SH2D5: variants seen among roughly 807,000 people sequenced by gnomAD.
SH2D5 encodes SH2 domain containing 5, also known as SH2 domain-containing protein 5.
In SH2D5, 45 loss-of-function variants were observed where a neutral mutation model predicts 48.2. The observed-to-expected ratio is 0.93, with a 90% CI of 0.73 to 1.20. The LOEUF (loss-of-function observed/expected upper bound fraction) is 1.20, where lower values mean the gene tolerates loss of function less well. SH2D5 is among the 50% of genes most tolerant of loss of function. The pLI, the probability that SH2D5 is intolerant of heterozygous loss-of-function variation, is 0.00. For synonymous variants in SH2D5, 230 were observed against 249.8 expected (o/e 0.92, Z 0.75); for missense variants, 538 against 584.1 (o/e 0.92, Z 0.81).
chr1:20,720,139 G>A lies in SH2D5; in HGVS notation c.*1653C>T, dbSNP rs1272920503. 1.3e-5 allele frequency: 2 copies of A among 152,254 alleles called. No individual in the cohort carries two copies. The highest frequency in any genetic ancestry group is 2.1e-4 in the South Asian group (1 of 4,832). The allele number at this position is 152,254 out of a possible 1,614,324, so 9.4% of individuals were successfully genotyped here. Reference sequence around the variant, plus strand: ...CTTGCCAGGGAAATGTGAGGCTGGGGCCTCCCATAGAGACCAGTGGTTTGT... The same window carrying A: ...CTTGCCAGGGAAATGTGAGGCTGGGACCTCCCATAGAGACCAGTGGTTTGT... On this transcript the variant is annotated 3_prime_UTR_variant, in exon 10 of 10. Transcript: ENST00000444387.
At position 20,724,211 on chromosome 1, in the gene SH2D5, C is replaced by A; in HGVS notation, c.671G>T (p.Arg224Leu). Residue 224 changes from arginine (R) to leucine (L), a missense_variant, in exon 7 of 10, where the codon CGC (arginine) becomes CTC (leucine). Arg to Leu is a moderately radical substitution (Grantham distance 102, BLOSUM62 -2). Coordinates refer to ENST00000444387, the MANE Select transcript of SH2D5 (RefSeq NM_001103161.2). ...GGGCGAGCAGTAGGGATTCCCCAGG[C>A]GGGCATGGCGGGCACGGCCTTCCGA... ...PESEGRARHARLGNPYCSPTL... is the reference protein window; with the variant it reads ...PESEGRARHALLGNPYCSPTL... 3 of 1,612,840 alleles carry A rather than the reference C, an allele frequency of 1.9e-6. No individual in the cohort carries two copies. Among genetic ancestry groups the A allele is most frequent in the Admixed American group, 1.7e-5 (1 of 60,026 alleles).
At chr1:20,724,024 A>G (rs902800462) in intron 7 of SH2D5, 59 bp downstream of exon 7, 2 of 1,575,306 alleles carry the variant, frequency 1.3e-6, no homozygotes, top group African/African-American at 2.7e-5. Flanking sequence ...TGGCTGGTCC[A>G]GGAGCGCACG....
chr1:20,727,713 T>C, intron 2 of SH2D5, 110 bp from the exon 3 acceptor site: 1 of 1,104,606 alleles, frequency 9.1e-7, no homozygotes, highest in Non-Finnish European at 1.3e-6. Context: ...GGCGTGTCTG[T>C]GGACAGACAG....
Position 20,721,019 on chromosome 1 carries a change from G to C in SH2D5, c.*773C>G, listed in dbSNP as rs1029050748. 6.6e-6 allele frequency: 1 copy of C among 152,536 alleles called. No homozygotes were observed. Among genetic ancestry groups the C allele is most frequent in the Non-Finnish European group, 1.5e-5 (1 of 68,214 alleles). 9.4% of individuals were successfully genotyped at this position (152,536 alleles called of 1,614,324 possible). A position where few individuals can be genotyped will look rare whatever the true frequency, so the allele number is the denominator to read the frequency against. Reference sequence around the variant, plus strand: ...GTGGGGGTGCCCTGGTGATTCCTAGGGGGAAGGGGTGAGCCTGCGCATCCC... The same window carrying C: ...GTGGGGGTGCCCTGGTGATTCCTAGCGGGAAGGGGTGAGCCTGCGCATCCC... On this transcript the variant is annotated 3_prime_UTR_variant, in exon 10 of 10. Transcript: ENST00000444387.
In SH2D5 at chr1:20,727,066, G is replaced by T; in HGVS notation, c.178C>A (p.Arg60=). Residue 60 remains arginine (R), a synonymous_variant, in exon 4 of 10, where the codon CGA becomes AGA. Transcript: ENST00000444387. ...AATTTCAGGATGACGGCCCGGCGTC[G>T]GGGACAGTCCTGGGTGGAAAAGAGT... ...QQLWALKDCP[R]RRAVILKFSL... is the part of the protein sequence containing the mutation. 6.2e-7 allele frequency: 1 copy of T among 1,611,240 alleles called. No individual in the cohort carries two copies. Among genetic ancestry groups the T allele is most frequent in the Admixed American group, 1.7e-5 (1 of 59,846 alleles).
chr1:20,725,622 T>A (rs2054780580), intron 5 of SH2D5, among the ~76,000 whole-genome samples: 2 of 151,806 alleles, frequency 1.3e-5, no homozygotes, highest in South Asian at 4.2e-4. Context: ...TGTGCTAGGA[T>A]GAGAAGGGGA....
At chr1:20,727,374 G>A in intron 3 of SH2D5, 149 bp downstream of exon 3, 2 of 798,162 alleles carry the variant, frequency 2.5e-6, no homozygotes, top group South Asian at 1.7e-5. Flanking sequence ...GGCCCCTGGA[G>A]CCTGGGTGTG....
In SH2D5 at chr1:20,724,550, G is replaced by A. The variant is rs755619243; in HGVS notation, c.476C>T (p.Pro159Leu). 6.2e-7 allele frequency: 1 copy of A among 1,604,200 alleles called. No individual in the cohort carries two copies. Among genetic ancestry groups the A allele is most frequent in the Non-Finnish European group, 8.5e-7 (1 of 1,176,346 alleles). The change falls in exon 6 of 10, where the codon CCC becomes CTC. Residue 159 changes from proline to leucine, a missense_variant. Pro to Leu is a moderately conservative substitution (Grantham distance 98). Transcript: ENST00000444387. ...QHPEERAQPE[P>L]CPGPTGEVPL... ...CACCTCCCCTGTGGGCCCTGGGCAGGGCTCTGGCTGTGCCCGCTCCTCAGG... is the reference window on the plus strand; with the variant it reads ...CACCTCCCCTGTGGGCCCTGGGCAGAGCTCTGGCTGTGCCCGCTCCTCAGG...
At chr1:20,725,169 G>C (rs561660197) in intron 5 of SH2D5, among the ~76,000 whole-genome samples, 1 of 152,210 alleles carries the variant, frequency 6.6e-6, no homozygotes, top group Non-Finnish European at 1.5e-5. Flanking sequence ...TGCTTGTCGG[G>C]AGCAGCGCAT....
chr1:20,723,518 G>A (rs1342095394), intron 8 of SH2D5, 108 bp downstream of exon 8: 2 of 799,402 alleles, frequency 2.5e-6, no homozygotes, highest in Non-Finnish European at 2.0e-6. Flanking sequence ...CTGAGGTTGG[G>A]AGCGCTCTGC....
At chr1:20,724,034 G>C (rs377588472) in intron 7 of SH2D5, 49 bp downstream of exon 7, 16 of 1,585,368 alleles carry the variant, frequency 1.0e-5, no homozygotes, top group Non-Finnish European at 1.3e-5. Flanking sequence ...AGGAGCGCAC[G>C]GGCACGTGTC....
At chr1:20,722,696 G>C in intron 9 of SH2D5, 60 bp downstream of exon 9, 1 of 1,394,640 alleles carries the variant, frequency 7.2e-7, no homozygotes, top group Non-Finnish European at 9.4e-7. Flanking sequence ...GGCAGGAAGG[G>C]CCAGGGATGG....
chr1:20,722,225 G>A (rs552904299), intron 9 of SH2D5, among the ~76,000 whole-genome samples: 3 of 152,252 alleles, frequency 2.0e-5, no homozygotes, highest in Non-Finnish European at 2.9e-5. Flanking sequence ...GAAAAGCCTC[G>A]CCACCCCCTC....
chr1:20,724,693 C>T, intron 5 of SH2D5, 58 bp from the exon 6 acceptor site: 1 of 1,459,202 alleles, frequency 6.9e-7, no homozygotes. Context: ...TCCCAGTGAA[C>T]TCCCTGGGCC....
In SH2D5 at chr1:20,724,391, C is replaced by A. The variant is rs377545590; in HGVS notation, c.630+5G>T. ...TGCCCACTCCTTGGCTGGGGTGCTGCGTACCCCACTGCCCACCAGCCCCTC... is the reference window on the plus strand; with the variant it reads ...TGCCCACTCCTTGGCTGGGGTGCTGAGTACCCCACTGCCCACCAGCCCCTC... On this transcript the variant is annotated splice_donor_5th_base_variant and intron_variant, in intron 6 of 9. Transcript: ENST00000444387. The A allele has an allele frequency of 6.2e-7, 1 of 1,612,154 alleles. No homozygotes were observed. Among genetic ancestry groups the A allele is most frequent in the Non-Finnish European group, 8.5e-7 (1 of 1,179,610 alleles).
rs1181362080 is a variant in SH2D5, at chr1:20,728,974, C to A, written c.-42-888G>T. On this transcript the variant is annotated intron_variant, in intron 1 of 9. Transcript: ENST00000444387. This position sits in a 1 kb window ranked among gnomAD's most constrained non-coding sequence, Gnocchi z 4.3. Reference sequence around the variant, plus strand: ...AACTCAGTCAGACAGTGCGCTGATGCAGACAGGATGTGGGGAAGGAGGACA... The same window carrying A: ...AACTCAGTCAGACAGTGCGCTGATGAAGACAGGATGTGGGGAAGGAGGACA... 2.0e-5 allele frequency among the ~76,000 whole-genome samples: 3 copies of A among 152,106 alleles called. No homozygotes were observed. Among genetic ancestry groups the A allele is most frequent in the African/African-American group, 4.8e-5 (2 of 41,500 alleles).
intron 3 of SH2D5, 80 bp downstream of exon 3, chr1:20,727,443 A>T (rs1359041967): frequency 7.7e-7 from 1 of 1,293,898 alleles, no homozygotes; most frequent in Non-Finnish European, 1.1e-6. Context: ...AACTGTGGGG[A>T]GAGTGGATCT....
At chr1:20,726,621 A>C (rs1443703997) in intron 4 of SH2D5, among the ~76,000 whole-genome samples, 1 of 152,158 alleles carries the variant, frequency 6.6e-6, no homozygotes, top group East Asian at 1.9e-4. Context: ...AGCCTGCAGC[A>C]GGGCAGGGAG....
intron 5 of SH2D5, 39 bp downstream of exon 5, chr1:20,725,881 C>T (rs373575982): frequency 5.5e-5 from 88 of 1,606,690 alleles, no homozygotes; most frequent in Admixed American, 2.2e-4. Context: ...ACAGCCCCTC[C>T]GGCCTCCGTG....
Sources: allele counts gnomAD v4.1 joint callset (sites outside exome capture counted in the v4.1 genomes callset), GRCh38; gene constraint gnomAD v4.1.1; non-coding constraint Gnocchi (gnomAD v3.1); transcripts MANE v1.5; gene names NCBI Gene and HGNC (gene_info 2026-07-23, HGNC 2026-07-21).